The following FTCDNL1 variants were observed in gnomAD, a reference collection of about 807,000 sequenced individuals.
FTCDNL1 encodes the protein formiminotransferase cyclodeaminase N-terminal like, also known as formiminotransferase N-terminal subdomain-containing protein.
Under a neutral mutation model 5.9 loss-of-function variants are expected in FTCDNL1, and 11 were observed. That is an observed-to-expected ratio of 1.87 (90% CI 1.18 to 3.10). FTCDNL1 has a LOEUF of 3.10. Ranked by LOEUF, FTCDNL1 falls within the 30% of genes most tolerant of loss-of-function variation. FTCDNL1 has a pLI of 0.00. For missense variants in FTCDNL1, 115 were observed against 65.5 expected (o/e 1.76, Z -2.61); for synonymous variants, 58 against 24.8 (o/e 2.34, Z -3.99).
At chr2:199,675,023 G>A in the FTCDNL1 span, among the ~76,000 whole-genome samples, 1 of 152,210 alleles carries the variant, frequency 6.6e-6, no homozygotes, top group Non-Finnish European at 1.5e-5. Flanking sequence ...AAAGTTGGTT[G>A]TGAAGTGTCT....
At chr2:199,748,978 G>A in the FTCDNL1 span, among the ~76,000 whole-genome samples, 1 of 152,122 alleles carries the variant, frequency 6.6e-6, no homozygotes, top group Non-Finnish European at 1.5e-5. Flanking sequence ...CCAGGGCACA[G>A]GAGGCCTTGC....
intron 3 of FTCDNL1, among the ~76,000 whole-genome samples, chr2:199,829,464 A>G (rs1335003475): frequency 6.6e-6 from 1 of 152,192 alleles, no homozygotes; most frequent in Non-Finnish European, 1.5e-5. Flanking sequence ...TTGCAGGAGA[A>G]TCGATGCAAT....
the FTCDNL1 span, among the ~76,000 whole-genome samples, chr2:199,728,478 G>C: frequency 6.6e-6 from 1 of 152,214 alleles, no homozygotes; most frequent in East Asian, 1.9e-4. Flanking sequence ...TCGATCTCCT[G>C]ACCTCGTGAT....
the FTCDNL1 span, among the ~76,000 whole-genome samples, chr2:199,702,973 A>T: frequency 6.6e-6 from 1 of 152,128 alleles, no homozygotes; most frequent in Admixed American, 6.5e-5. Context: ...GAAAGAAGCC[A>T]GATTATGTAA....
At chr2:199,689,978 G>T in the FTCDNL1 span, among the ~76,000 whole-genome samples, 1 of 152,100 alleles carries the variant, frequency 6.6e-6, no homozygotes, top group Non-Finnish European at 1.5e-5. Flanking sequence ...ATACTGCATA[G>T]TTATTAAAAA....
At chr2:199,733,305 A>G in the FTCDNL1 span, among the ~76,000 whole-genome samples, 2 of 152,242 alleles carry the variant, frequency 1.3e-5, no homozygotes, top group Non-Finnish European at 2.9e-5. Flanking sequence ...TTAGGCATGT[A>G]GCTGAAGAAT....
intron 1 of FTCDNL1, among the ~76,000 whole-genome samples, chr2:199,849,611 T>C (rs1353455243): frequency 6.6e-6 from 1 of 152,232 alleles, no homozygotes; most frequent in African/African-American, 2.4e-5. Context: ...TTCTGATACA[T>C]ATTATTCAAT....
At chr2:199,781,617 T>C (rs976667313) in intron 3 of FTCDNL1, among the ~76,000 whole-genome samples, 1 of 152,136 alleles carries the variant, frequency 6.6e-6, no homozygotes, top group Non-Finnish European at 1.5e-5. Context: ...AAAGTTAATA[T>C]AGCCCTAGGG....
At chr2:199,693,755 A>G in the FTCDNL1 span, among the ~76,000 whole-genome samples, 1 of 151,216 alleles carries the variant, frequency 6.6e-6, no homozygotes, top group African/African-American at 2.4e-5. Flanking sequence ...GAGCATTAGT[A>G]CTTAGTAATG....
intron 3 of FTCDNL1, among the ~76,000 whole-genome samples, chr2:199,821,805 T>C (rs1473921356): frequency 6.6e-6 from 1 of 152,136 alleles, no homozygotes; most frequent in African/African-American, 2.4e-5. Flanking sequence ...ACTCCAGCAT[T>C]AGAAGTTCCT....
intron 3 of FTCDNL1, among the ~76,000 whole-genome samples, chr2:199,771,158 A>G (rs1698788923): frequency 2.6e-5 from 4 of 152,244 alleles, no homozygotes; most frequent in Admixed American, 2.6e-4. Context: ...TTTGCAACAT[A>G]TGAATGTAAA....
the FTCDNL1 span, among the ~76,000 whole-genome samples, chr2:199,722,545 GT>G: frequency 5.3e-5 from 8 of 152,200 alleles, no homozygotes; most frequent in East Asian, 1.9e-4. Context: ...ACAGTTTGAA[GT>G]TGGGTAGCAT....
At chr2:199,756,809 G>C (rs1263705892), downstream of FTCDNL1, among the ~76,000 whole-genome samples, 1 of 152,150 alleles carries the variant, frequency 6.6e-6, no homozygotes, top group African/African-American at 2.4e-5. Flanking sequence ...CTGCAGCCCT[G>C]TTCCATGTCC....
intron 3 of FTCDNL1, among the ~76,000 whole-genome samples, chr2:199,845,097 A>G (rs2076694555): frequency 6.6e-6 from 1 of 151,956 alleles, no homozygotes. Flanking sequence ...TACTTATTTT[A>G]GTTTTGCTCT....
the FTCDNL1 span, among the ~76,000 whole-genome samples, chr2:199,692,782 G>A: frequency 6.7e-6 from 1 of 148,404 alleles, no homozygotes; most frequent in East Asian, 1.9e-4. Flanking sequence ...CCTCATAAAT[G>A]CAGAGCAATT....
At chr2:199,741,457 T>A in the FTCDNL1 span, among the ~76,000 whole-genome samples, 2 of 152,202 alleles carry the variant, frequency 1.3e-5, no homozygotes, top group Non-Finnish European at 2.9e-5. Flanking sequence ...AAATAAGAAC[T>A]AATTCAACAT....
At chr2:199,827,004 A>G (rs1345853855) in intron 3 of FTCDNL1, among the ~76,000 whole-genome samples, 1 of 152,220 alleles carries the variant, frequency 6.6e-6, no homozygotes, top group East Asian at 1.9e-4. Flanking sequence ...AATGGATGAA[A>G]CCGTCCTGAA....
intron 1 of FTCDNL1, among the ~76,000 whole-genome samples, chr2:199,849,177 T>A (rs2076810317): frequency 6.6e-6 from 1 of 152,212 alleles, no homozygotes; most frequent in East Asian, 1.9e-4. Flanking sequence ...ATATAAACCT[T>A]GTAACGACAC....
At chr2:199,694,765 T>C in the FTCDNL1 span, among the ~76,000 whole-genome samples, 7 of 152,228 alleles carry the variant, frequency 4.6e-5, no homozygotes, top group South Asian at 8.3e-4. Flanking sequence ...ACCCAGGAGG[T>C]TGAGGCTGCA....
Sources: gnomAD v4.1 joint callset for allele counts (sites outside exome capture counted in the v4.1 genomes callset) on GRCh38, gnomAD v4.1.1 for gene constraint, MANE v1.5 for transcripts, NCBI Gene and HGNC (gene_info 2026-07-23, HGNC 2026-07-21) for gene names.